The following NSMF variants were observed in gnomAD, a reference collection of about 807,000 sequenced individuals.
NSMF encodes NMDA receptor synaptonuclear signaling and neuronal migration factor.
A neutral mutation model predicts 71.0 loss-of-function variants in NSMF; 31 were observed. The observed-to-expected ratio is 0.44, with a 90% CI of 0.33 to 0.59. The LOEUF is 0.59. NSMF is among the 20% of genes least tolerant of loss of function. The pLI, the probability that NSMF is intolerant of heterozygous loss-of-function variation, is 0.04. For missense variants in NSMF, 673 were observed against 740.5 expected (o/e 0.91, Z 1.06); for synonymous variants, 345 against 287.1 (o/e 1.20, Z -2.04).
chr9:137,456,527 G>T, intron 3 of NSMF, 41 bp from the exon 4 acceptor site: 1 of 1,368,952 alleles, frequency 7.3e-7, no homozygotes, highest in South Asian at 1.2e-5. Flanking sequence ...GTGAAGTAGG[G>T]GTTCCTGAAG....
intron 1 of NSMF, 63 bp from the exon 2 acceptor site, chr9:137,458,612 G>C: frequency 2.0e-6 from 3 of 1,470,488 alleles, no homozygotes; most frequent in African/African-American, 1.4e-5. Flanking sequence ...ACCGGGCCGC[G>C]CAAGAGCCGG....
chr9:137,455,596 T>C, intron 5 of NSMF, 33 bp downstream of exon 5: 1 of 1,549,046 alleles, frequency 6.5e-7, no homozygotes, highest in Non-Finnish European at 8.7e-7. Flanking sequence ...ACAACAGCTG[T>C]GCCCTTAGGC....
At position 137,456,426 on chromosome 9, in the gene NSMF, G is replaced by C; in HGVS notation, c.689C>G (p.Thr230Ser). 3.7e-6 allele frequency: 6 copies of C among 1,612,984 alleles called. No homozygotes were observed. Among genetic ancestry groups the C allele is most frequent in the Non-Finnish European group, 5.1e-6 (6 of 1,179,512 alleles). Reference sequence around the variant, plus strand: ...CAAGACTCACGCTTGCATAGTTGTGGTTGCTGTCTGGAAGCTGAAAAGATT... The same window carrying C: ...CAAGACTCACGCTTGCATAGTTGTGCTTGCTGTCTGGAAGCTGAAAAGATT... Reference protein sequence around the residue: ...KENLFSFQTATTTMQAISVFR... With the variant: ...KENLFSFQTASTTMQAISVFR... The change falls in exon 4 of 16, where the codon ACC becomes AGC. Residue 230 changes from threonine (T) to serine (S), a missense_variant. Physicochemically the swap from Thr to Ser is moderately conservative, Grantham distance 58. Transcript: ENST00000371475.
chr9:137,456,683 C>T (rs904976061), intron 3 of NSMF, among the ~76,000 whole-genome samples, 197 bp from the exon 4 acceptor site: 10 of 152,204 alleles, frequency 6.6e-5, no homozygotes, highest in African/African-American at 2.4e-4. Flanking sequence ...ACCAAGACCA[C>T]GCTCTTGGTA....
intron 11 of NSMF, 57 bp from the exon 12 acceptor site, chr9:137,452,492 C>A (rs1830585588): frequency 3.7e-6 from 6 of 1,612,084 alleles, no homozygotes; most frequent in African/African-American, 2.7e-5. Flanking sequence ...GGGGCACCCC[C>A]ACCTGTGTCT....
intron 9 of NSMF, 101 bp downstream of exon 9, chr9:137,452,950 AGGCAG>A (rs1830614410): frequency 1.3e-6 from 2 of 1,583,034 alleles, no homozygotes; most frequent in Admixed American, 3.4e-5. Flanking sequence ...ACCCTCCCCC[AGGCAG>A]CTGGAGAAGG....
At chr9:137,457,264 G>A in intron 3 of NSMF, 143 bp downstream of exon 3, 1 of 1,222,622 alleles carries the variant, frequency 8.2e-7, no homozygotes, top group Non-Finnish European at 1.2e-6. Flanking sequence ...GCAGAAGCCT[G>A]CCGGTTTTAA....
In NSMF at chr9:137,453,555, T is replaced by G. The variant is rs1588501741; in HGVS notation, c.922+176A>C. On this transcript the variant is annotated intron_variant, in intron 8 of 15. Transcript: ENST00000371475. The surrounding 1 kb of genome is among the most constrained non-coding windows in gnomAD (Gnocchi z 4.5). ...CCGGCCAGCACTGCCGCGGCCGTTGTTAGCCCCGCCTTTGCGATCGGAGAT... is the reference window on the plus strand; with the variant it reads ...CCGGCCAGCACTGCCGCGGCCGTTGGTAGCCCCGCCTTTGCGATCGGAGAT... The G allele has an allele frequency of 3.2e-6, 2 of 627,572 alleles. No homozygotes were observed. The highest frequency in any genetic ancestry group is 5.6e-5 in the East Asian group (2 of 35,974). The allele number at this position is 627,572 out of a possible 1,614,324, so 38.9% of individuals were successfully genotyped here.
At chr9:137,457,332 A>AGTGGCT in intron 3 of NSMF, 75 bp downstream of exon 3, 1 of 1,593,370 alleles carries the variant, frequency 6.3e-7, no homozygotes, top group Non-Finnish European at 8.6e-7. Flanking sequence ...CAAGCCTCAC[A>AGTGGCT]GTGGCTGCTG....
chr9:137,455,637 G>A lies in NSMF; in HGVS notation c.705-3C>T. ...GTCATACAGGTACTTACGAGATGCTGAAGCCAGGGCCAGAAGGGATGGCGT... is the reference window on the plus strand; with the variant it reads ...GTCATACAGGTACTTACGAGATGCTAAAGCCAGGGCCAGAAGGGATGGCGT... On this transcript the variant is annotated splice_region_variant and splice_polypyrimidine_tract_variant and intron_variant, in intron 4 of 15. Transcript: ENST00000371475. The A allele has an allele frequency of 6.4e-7, 1 of 1,550,430 alleles. No homozygotes were observed. The highest frequency in any genetic ancestry group is 8.7e-7 in the Non-Finnish European group (1 of 1,146,918).
At chr9:137,452,957 T>C (rs1830614519) in intron 9 of NSMF, 99 bp downstream of exon 9, 1 of 1,584,376 alleles carries the variant, frequency 6.3e-7, no homozygotes, top group African/African-American at 1.3e-5. Flanking sequence ...CCCAGGCAGC[T>C]GGAGAAGGCT....
At chr9:137,452,709 T>C in intron 10 of NSMF, 27 bp downstream of exon 10, 5 of 1,603,958 alleles carry the variant, frequency 3.1e-6, no homozygotes, top group Non-Finnish European at 4.3e-6. Flanking sequence ...GGGCATCTGT[T>C]GGGGGCAGGC....
intron 7 of NSMF, 138 bp downstream of exon 7, chr9:137,454,253 G>A (rs1830715837): frequency 1.2e-6 from 1 of 854,982 alleles, no homozygotes; most frequent in Non-Finnish European, 1.9e-6. Flanking sequence ...CTGGGGAAGT[G>A]GCTGGAAGGG....
chr9:137,450,118 G>A, intron 13 of NSMF, 58 bp downstream of exon 13: 3 of 1,586,612 alleles, frequency 1.9e-6, no homozygotes, highest in Non-Finnish European at 2.6e-6. Context: ...GGAGGGACAT[G>A]CCAGGGCCTG....
intron 14 of NSMF, 74 bp downstream of exon 14, chr9:137,449,849 A>T: frequency 2.1e-6 from 3 of 1,410,584 alleles, no homozygotes; most frequent in Non-Finnish European, 3.0e-6. Flanking sequence ...GCCAGGAAAC[A>T]TGGAAGGCTC....
intron 2 of NSMF, 146 bp downstream of exon 2, chr9:137,458,342 G>A (rs1830965451): frequency 2.7e-6 from 2 of 750,428 alleles, no homozygotes; most frequent in African/African-American, 3.4e-5. Flanking sequence ...GGGCAGGGAG[G>A]GCAGGGGATG....
intron 1 of NSMF, 110 bp from the exon 2 acceptor site, chr9:137,458,659 G>C (rs1830997500): frequency 4.6e-6 from 5 of 1,081,012 alleles, no homozygotes; most frequent in Admixed American, 2.0e-5. Context: ...GCGTCTGGAA[G>C]GAGGGTCGGG....
chr9:137,455,435 G>A, intron 5 of NSMF, 128 bp from the exon 6 acceptor site: 3 of 1,181,166 alleles, frequency 2.5e-6, no homozygotes, highest in East Asian at 2.5e-5. Flanking sequence ...AGGAGTCCCA[G>A]CCTGCCTCAC....
At chr9:137,454,276 G>T (rs1045581458) in intron 7 of NSMF, 115 bp downstream of exon 7, 23 of 1,027,960 alleles carry the variant, frequency 2.2e-5, no homozygotes, top group Non-Finnish European at 2.8e-5. Flanking sequence ...GGAGCCTGAG[G>T]CAGGGCCCGA....
Sources: allele counts gnomAD v4.1 joint callset (sites outside exome capture counted in the v4.1 genomes callset), GRCh38; gene constraint gnomAD v4.1.1; non-coding constraint Gnocchi (gnomAD v3.1); transcripts MANE v1.5; gene names NCBI Gene and HGNC (gene_info 2026-07-23, HGNC 2026-07-21).